CLPB: variants seen among roughly 807,000 people sequenced by gnomAD.
CLPB encodes mitochondrial disaggregase.
Under a neutral mutation model 78.4 loss-of-function variants are expected in CLPB, and 40 were observed. The ratio of observed to expected loss-of-function variants is 0.51; its 90% confidence interval spans 0.40 to 0.66. The LOEUF is 0.66. Among genes scored for constraint, CLPB ranks in the 30% least tolerant of loss-of-function variants. CLPB has a pLI of 0.00. For missense variants in CLPB, 780 were observed against 886.9 expected (o/e 0.88, Z 1.53); for synonymous variants, 333 against 348.0 (o/e 0.96, Z 0.48).
chr11:72,431,793 G>A (rs1358570263), intron 1 of CLPB, among the ~76,000 whole-genome samples: 2 of 152,202 alleles, frequency 1.3e-5, no homozygotes, highest in Admixed American at 1.3e-4. Flanking sequence ...AAAGGGTTCA[G>A]TTTCTACCAC....
At chr11:72,294,166 A>G (rs942131076) in intron 14 of CLPB, 40 bp from the exon 15 acceptor site, 1 of 1,607,976 alleles carries the variant, frequency 6.2e-7, no homozygotes, top group African/African-American at 1.3e-5. Context: ...CATGTGGCCC[A>G]CTGCTTTCCA....
chr11:72,304,978 A>G (rs924972944), intron 9 of CLPB, among the ~76,000 whole-genome samples: 2 of 152,260 alleles, frequency 1.3e-5, no homozygotes, highest in Non-Finnish European at 2.9e-5. Flanking sequence ...ATGTGGCTAT[A>G]AAGTGTCTAC....
rs375362011 is a variant in CLPB, at chr11:72,397,145, T to C, written c.542+5821A>G. 5.9e-5 allele frequency among the ~76,000 whole-genome samples: 9 copies of C among 152,366 alleles called. No individual in the cohort carries two copies. In the East Asian group the frequency reaches 9.6e-4, roughly 16 times the overall value. ...GTTCTGTCTTCTCCAGAATGTCATA[T>C]ACATGGAATTACAGAGCAGGTAGCT... On this transcript the variant is annotated intron_variant, in intron 3 of 15. Transcript: ENST00000538039.
rs534420559 is a variant in CLPB at position 72,434,340 on chromosome 11, C to A, written c.135G>T (p.Pro45=). 345 of 1,611,822 alleles carry A rather than the reference C, an allele frequency of 2.1e-4. 3 individuals are homozygous for A. The East Asian group carries it at 3.4e-3, about 16-fold the overall frequency. Reference sequence around the variant, plus strand: ...CCCCGGTGGCTACCCTCAGCCACTGCGGCTCCCCGAGACTCCCAGTAGTCA... The same window carrying A: ...CCCCGGTGGCTACCCTCAGCCACTGAGGCTCCCCGAGACTCCCAGTAGTCA... ...RNVTTGSLGE[P]QWLRVATGGR... The change falls in exon 1 of 16, where the codon CCG becomes CCT. Residue 45 remains proline, a synonymous_variant. Transcript: ENST00000538039.
At chr11:72,352,964 C>T (rs1444367266) in intron 5 of CLPB, 1 of 152,274 alleles carries the variant, frequency 6.6e-6, no homozygotes, top group Non-Finnish European at 1.5e-5. Context: ...AGTGCTCATT[C>T]CCCTTCTCTG....
chr11:72,393,869 C>G (rs566721844), intron 3 of CLPB, among the ~76,000 whole-genome samples: 1 of 152,290 alleles, frequency 6.6e-6, no homozygotes, highest in East Asian at 1.9e-4. Flanking sequence ...ATTGCTCTAG[C>G]CCACTGAGGT....
intron 3 of CLPB, among the ~76,000 whole-genome samples, chr11:72,396,965 T>C (rs1275464484): frequency 1.3e-5 from 2 of 152,256 alleles, no homozygotes; most frequent in African/African-American, 4.8e-5. Flanking sequence ...CTTTTTAAGA[T>C]ATATAATTTA....
At chr11:72,305,682 A>G (rs1321485787) in intron 9 of CLPB, among the ~76,000 whole-genome samples, 1 of 152,242 alleles carries the variant, frequency 6.6e-6, no homozygotes, top group Non-Finnish European at 1.5e-5. Context: ...TGAGTGAGGC[A>G]TGCACTGAAG....
At chr11:72,337,019 C>A in intron 5 of CLPB, 1 of 399,094 alleles carries the variant, frequency 2.5e-6, no homozygotes, top group South Asian at 1.3e-4. Flanking sequence ...TCCTGGCCCT[C>A]AGCCTCAGGG....
At chr11:72,403,075 T>G (rs1265267970) in intron 2 of CLPB, 23 bp from the exon 3 acceptor site, 3 of 1,603,980 alleles carry the variant, frequency 1.9e-6, no homozygotes, top group African/African-American at 2.7e-5. Flanking sequence ...AGAGGAATAT[T>G]TTCAGTGTAT....
chr11:72,361,776 C>A, intron 4 of CLPB, among the ~76,000 whole-genome samples: 1 of 152,172 alleles, frequency 6.6e-6, no homozygotes, highest in East Asian at 1.9e-4. Flanking sequence ...ATTTAATGAG[C>A]ACCAATGCAT....
chr11:72,388,363 G>C (rs558167942), intron 3 of CLPB, among the ~76,000 whole-genome samples: 40 of 150,476 alleles, frequency 2.7e-4, no homozygotes, highest in African/African-American at 9.6e-4. Context: ...CCATTCTCCT[G>C]CCTCAGCCTC....
At chr11:72,333,232 C>G (rs1950260236) in intron 5 of CLPB, among the ~76,000 whole-genome samples, 1 of 152,176 alleles carries the variant, frequency 6.6e-6, no homozygotes, top group Admixed American at 6.5e-5. Context: ...CTTCAGTTGG[C>G]CTTTGCTTTC....
At chr11:72,339,218 T>C (rs971671170) in intron 5 of CLPB, among the ~76,000 whole-genome samples, 3 of 152,170 alleles carry the variant, frequency 2.0e-5, no homozygotes, top group Admixed American at 1.3e-4. Flanking sequence ...TGATGCAAGT[T>C]AGTGGAAATA....
intron 2 of CLPB, chr11:72,412,053 T>C (rs559287816): frequency 1.3e-5 from 2 of 152,360 alleles, no homozygotes; most frequent in African/African-American, 4.8e-5. Flanking sequence ...GCAGCCTCCA[T>C]CTGTGCCTTA....
rs150087251 is a variant in CLPB, at chr11:72,301,902, G to C, written c.1230C>G (p.Thr410=). 1.2e-6 allele frequency: 2 copies of C among 1,614,132 alleles called. No homozygotes were observed. The highest frequency in any genetic ancestry group is 1.7e-6 in the Non-Finnish European group (2 of 1,180,012). ...CATTGGGGCACTGCTTCAACTTCTT[G>C]GTCAGCTGGCCACCCTCCTCATGGC... ...YVGHEEGGQL[T]KKLKQCPNAV... is the part of the protein sequence containing the mutation. The change falls in exon 11 of 16, where the codon ACC becomes ACG. Residue 410 remains threonine, a synonymous_variant. Coordinates refer to ENST00000538039, the MANE Select transcript of CLPB (RefSeq NM_001258392.3).
At chr11:72,317,085 T>C (rs772299707) in intron 7 of CLPB, 21 bp downstream of exon 7, 1 of 1,571,518 alleles carries the variant, frequency 6.4e-7, no homozygotes, top group Non-Finnish European at 8.7e-7. Context: ...CTCTGCCCTT[T>C]CTGGTGTCCC....
rs1855353637 is a variant in CLPB, at chr11:72,394,688, T to C, written c.542+8278A>G. 2.6e-5 allele frequency among the ~76,000 whole-genome samples: 4 copies of C among 152,320 alleles called. No homozygotes were observed. In the South Asian group the frequency reaches 8.3e-4, roughly 32 times the overall value. On this transcript the variant is annotated intron_variant, in intron 3 of 15. Transcript: ENST00000538039. ...AAAACAGGATTATCTTGAGCAACGATTCCAAATGGGATTAGAAATGACTCT... is the reference window on the plus strand; with the variant it reads ...AAAACAGGATTATCTTGAGCAACGACTCCAAATGGGATTAGAAATGACTCT...
chr11:72,372,875 T>G (rs1273124413), intron 4 of CLPB: 7 of 1,501,242 alleles, frequency 4.7e-6, no homozygotes, highest in Non-Finnish European at 6.5e-6. Context: ...AGACCATCCT[T>G]GGCATGTCCT....
Sources: gnomAD v4.1 joint callset for allele counts (sites outside exome capture counted in the v4.1 genomes callset) on GRCh38, gnomAD v4.1.1 for gene constraint, MANE v1.5 for transcripts, NCBI Gene and HGNC (gene_info 2026-07-23, HGNC 2026-07-21) for gene names.